The following GALNT13 variants were observed in gnomAD, a reference collection of about 807,000 sequenced individuals.
GALNT13 encodes the protein polypeptide N-acetylgalactosaminyltransferase 13, also known as UDP-GalNAc:polypeptide N-acetylgalactosaminyltransferase 13.
Under a neutral mutation model 64.2 loss-of-function variants are expected in GALNT13, and 28 were observed. The ratio of observed to expected loss-of-function variants is 0.44; its 90% CI spans 0.32 to 0.60. The LOEUF (loss-of-function observed/expected upper bound fraction) is 0.60. GALNT13 is among the 20% of genes least tolerant of loss of function. GALNT13 has a pLI of 0.05. For synonymous variants in GALNT13, 214 were observed against 224.6 expected (o/e 0.95, Z 0.42); for missense variants, 577 against 669.8 (o/e 0.86, Z 1.53).
chr2:154,151,673 A>AC (rs1684035005), intron 4 of GALNT13, among the ~76,000 whole-genome samples: 1 of 152,124 alleles, frequency 6.6e-6, no homozygotes, highest in Admixed American at 6.5e-5. Flanking sequence ...TGAACCCTTT[A>AC]CCATTATGTA....
At chr2:153,321,254 C>T in the GALNT13 span, among the ~76,000 whole-genome samples, 1 of 152,172 alleles carries the variant, frequency 6.6e-6, no homozygotes, top group Non-Finnish European at 1.5e-5. Context: ...CAATTTTATA[C>T]ACTCTTAAAT....
intron 1 of GALNT13, among the ~76,000 whole-genome samples, chr2:153,876,890 C>T (rs1686419575): frequency 6.6e-6 from 1 of 152,058 alleles, no homozygotes; most frequent in Admixed American, 6.5e-5. Context: ...CATGCTTTTC[C>T]TTTAAGGGCT....
chr2:153,372,386 G>A, the GALNT13 span, among the ~76,000 whole-genome samples: 4 of 152,084 alleles, frequency 2.6e-5, no homozygotes, highest in African/African-American at 7.2e-5. Context: ...GGTGGCTCAC[G>A]CCTATAATCC....
chr2:154,033,388 T>A (rs768504068), intron 3 of GALNT13, among the ~76,000 whole-genome samples: 1 of 151,992 alleles, frequency 6.6e-6, no homozygotes, highest in Non-Finnish European at 1.5e-5. Context: ...AACCACAGAC[T>A]GGGAGAACAT....
At chr2:154,101,206 G>A (rs1702330503) in intron 3 of GALNT13, among the ~76,000 whole-genome samples, 1 of 151,980 alleles carries the variant, frequency 6.6e-6, no homozygotes. Flanking sequence ...GCATCATGGT[G>A]ATACTGGATT....
At chr2:153,899,949 T>TC (rs1688127397) in intron 1 of GALNT13, among the ~76,000 whole-genome samples, 1 of 144,010 alleles carries the variant, frequency 6.9e-6, no homozygotes, top group Admixed American at 7.0e-5. Flanking sequence ...TTTTTTTTTT[T>TC]TTTTGAGATG....
chr2:154,082,358 T>G (rs1422109579), intron 3 of GALNT13, among the ~76,000 whole-genome samples: 1 of 151,712 alleles, frequency 6.6e-6, no homozygotes, highest in Non-Finnish European at 1.5e-5. Context: ...CTCTTAATTT[T>G]TAGTTCATAA....
intron 4 of GALNT13, among the ~76,000 whole-genome samples, chr2:154,182,527 C>T (rs1054900615): frequency 3.3e-5 from 5 of 151,622 alleles, no homozygotes; most frequent in African/African-American, 1.2e-4. Flanking sequence ...AGTTCTCAAA[C>T]ATTCATCTTA....
chr2:153,792,834 C>CA, the GALNT13 span, among the ~76,000 whole-genome samples: 3 of 151,944 alleles, frequency 2.0e-5, no homozygotes, highest in Admixed American at 1.3e-4. Flanking sequence ...AATTGTTCTG[C>CA]AAAAAAGTCG....
At position 154,242,900 on chromosome 2, in the gene GALNT13, A is replaced by C. The variant is rs746503735; in HGVS notation, c.681A>C (p.Glu227Asp). The C allele has an allele frequency of 6.2e-7, 1 of 1,613,558 alleles. No homozygotes were observed. The highest frequency in any genetic ancestry group is 1.7e-5 in the Admixed American group (1 of 60,004). The change falls in exon 6 of 13, where the codon GAA (glutamate) becomes GAC (aspartate). Residue 227 changes from glutamate (E) to aspartate (D), a missense_variant. Transcript: ENST00000392825. ...AGCCTTTGCTGGCAAGAATAAAGGA[A>C]GACAGGTAAGAATTTATGTGTTCTG... The part of the protein sequence containing the change: ...WLEPLLARIK[E>D]DRKTVVCPII...
intron 1 of GALNT13, among the ~76,000 whole-genome samples, chr2:153,880,488 C>T (rs768136054): frequency 6.6e-5 from 10 of 152,186 alleles, no homozygotes; most frequent in Non-Finnish European, 1.3e-4. Context: ...AGTTAAAAAT[C>T]GGCATTTAGA....
the GALNT13 span, among the ~76,000 whole-genome samples, chr2:153,456,756 A>G: frequency 1.3e-4 from 20 of 152,202 alleles, no homozygotes; most frequent in Admixed American, 1.2e-3. Context: ...GTAACTTGTC[A>G]TGGTTAGATA....
chr2:153,813,628 A>G, the GALNT13 span, among the ~76,000 whole-genome samples: 2 of 152,100 alleles, frequency 1.3e-5, no homozygotes, highest in Non-Finnish European at 2.9e-5. Context: ...TACCTATCCT[A>G]TACTAATTTA....
the GALNT13 span, among the ~76,000 whole-genome samples, chr2:153,408,973 T>G: frequency 6.6e-6 from 1 of 151,772 alleles, no homozygotes; most frequent in Non-Finnish European, 1.5e-5. Flanking sequence ...GTGAGCAGAC[T>G]TGCTGAGTCT....
At chr2:153,299,978 G>A in the GALNT13 span, among the ~76,000 whole-genome samples, 1 of 152,064 alleles carries the variant, frequency 6.6e-6, no homozygotes, top group Non-Finnish European at 1.5e-5. Flanking sequence ...AGTTGCCACC[G>A]GTAGGTCTCA....
the GALNT13 span, chr2:153,478,180 C>T: frequency 7.0e-7 from 1 of 1,430,354 alleles, no homozygotes; most frequent in Non-Finnish European, 9.6e-7. Flanking sequence ...AGGGGCACAG[C>T]CGGGCTAGCA....
At chr2:153,549,725 G>T in the GALNT13 span, among the ~76,000 whole-genome samples, 1 of 152,154 alleles carries the variant, frequency 6.6e-6, no homozygotes. Flanking sequence ...GAAAATAAAT[G>T]ATTCTATTAA....
chr2:154,244,200 A>G (rs1273624966), intron 6 of GALNT13, among the ~76,000 whole-genome samples: 1 of 152,154 alleles, frequency 6.6e-6, no homozygotes, highest in African/African-American at 2.4e-5. Context: ...TAACAACATA[A>G]TTGCACTGTA....
At chr2:153,516,361 G>A in the GALNT13 span, among the ~76,000 whole-genome samples, 2 of 152,170 alleles carry the variant, frequency 1.3e-5, no homozygotes, top group Admixed American at 6.5e-5. Context: ...TGATTAAGGA[G>A]GTGGAGAGTT....
Sources: allele counts gnomAD v4.1 joint callset (sites outside exome capture counted in the v4.1 genomes callset), GRCh38; gene constraint gnomAD v4.1.1; transcripts MANE v1.5; gene names NCBI Gene and HGNC (gene_info 2026-07-23, HGNC 2026-07-21).